The following NF1 variants were observed in gnomAD, a reference collection of about 807,000 sequenced individuals.
NF1 encodes the protein neurofibromin.
A neutral mutation model predicts 325.7 loss-of-function variants in NF1; 122 were observed. The observed-to-expected ratio is 0.37, with a 90% confidence interval of 0.32 to 0.44. NF1 has a LOEUF of 0.44. NF1 is among the 20% of genes least tolerant of loss of function. The probability of loss-of-function intolerance (pLI) is 1.00; values close to 1 mark genes in which losing one functional copy is unlikely to be tolerated. For synonymous variants in NF1, 1,091 were observed against 1,186.0 expected, an observed-to-expected ratio of 0.92 and a Z score of 1.65; for missense variants, 2,140 against 3,415.4, an observed-to-expected ratio of 0.63 and a Z score of 9.31.
At chr17:31,351,240 A>G (rs1006188571) in intron 50 of NF1, among the ~76,000 whole-genome samples, 1 of 152,186 alleles carries the variant, frequency 6.6e-6, no homozygotes, top group Non-Finnish European at 1.5e-5. Flanking sequence ...AAATCAGTGC[A>G]ATAAGTTCAA....
intron 1 of NF1, among the ~76,000 whole-genome samples, chr17:31,149,705 C>T (rs1296082924): frequency 2.0e-5 from 3 of 152,102 alleles, no homozygotes; most frequent in Non-Finnish European, 4.4e-5. Flanking sequence ...CTAACCAGAT[C>T]GTCCAAATCA....
chr17:31,209,972 A>G (rs2905798), intron 12 of NF1, among the ~76,000 whole-genome samples: 41,604 of 152,048 alleles, frequency 0.27, 6,899 homozygotes, highest in South Asian at 0.44. Context: ...TTAAAACTGT[A>G]TGTGTGTTTG....
chr17:31,230,783 G>A (rs2151432230), intron 23 of NF1, 59 bp from the exon 24 acceptor site: 8 of 1,230,786 alleles, frequency 6.5e-6, no homozygotes, highest in South Asian at 1.3e-5. Context: ...GTGACTAAAG[G>A]TGTGTGTGTG....
At chr17:31,305,390 C>A in intron 36 of NF1, 1 of 1,614,132 alleles carries the variant, frequency 6.2e-7, no homozygotes, top group Non-Finnish European at 8.5e-7. Flanking sequence ...GTGACTTTGG[C>A]AGGTGATATT....
At chr17:31,126,153 A>C (rs1163709819) in intron 1 of NF1, among the ~76,000 whole-genome samples, 1 of 151,952 alleles carries the variant, frequency 6.6e-6, no homozygotes, top group African/African-American at 2.4e-5. Context: ...TTGCCATTGC[A>C]CTCCAGCCTG....
intron 1 of NF1, among the ~76,000 whole-genome samples, chr17:31,130,261 G>A (rs892143470): frequency 3.9e-5 from 6 of 152,068 alleles, no homozygotes; most frequent in Non-Finnish European, 8.8e-5. Context: ...GTTCTTTAAG[G>A]TTAGGAACCT....
intron 1 of NF1, among the ~76,000 whole-genome samples, chr17:31,143,380 C>T (rs1453171998): frequency 1.3e-5 from 2 of 152,096 alleles, no homozygotes; most frequent in Admixed American, 1.3e-4. Context: ...TATCCTCCCA[C>T]CTCAGCCTCC....
chr17:31,370,090 A>G (rs142108335), intron 57 of NF1, among the ~76,000 whole-genome samples: 10 of 152,304 alleles, frequency 6.6e-5, no homozygotes, highest in African/African-American at 2.4e-4. Context: ...AGTTGAACTT[A>G]GGAATCACAG....
chr17:31,340,214 A>G (rs184535633), intron 46 of NF1: 7 of 420,162 alleles, frequency 1.7e-5, no homozygotes, highest in Middle Eastern at 6.9e-4. Context: ...ATGACAAAAG[A>G]TACAAAAGAG....
rs1268041234 is a variant in NF1 at position 31,265,121 on chromosome 17, A to G, written c.4725-108A>G. 6.0e-6 allele frequency: 5 copies of G among 828,862 alleles called. No homozygotes were observed. In the East Asian group the frequency reaches 1.1e-4, roughly 19 times the overall value. The allele number at this position is 828,862 out of a possible 1,614,324, so 51.3% of individuals were successfully genotyped here. A position where few individuals can be genotyped will look rare whatever the true frequency, so the allele number is the denominator to read the frequency against. On this transcript the variant is annotated intron_variant, in intron 35 of 57. Transcript: ENST00000358273. ...ACCCTTTAGAATGCCTGTTGCTTTT[A>G]AAATATTTTTTCATTTTAGTATTTT...
At chr17:31,270,831 T>C (rs755998714) in intron 36 of NF1, among the ~76,000 whole-genome samples, 67 of 152,212 alleles carry the variant, frequency 4.4e-4, no homozygotes, top group Non-Finnish European at 8.8e-4. Flanking sequence ...TTATTAACAA[T>C]TAATTGACGT....
chr17:31,217,062 A>G (rs112817479), intron 13 of NF1, among the ~76,000 whole-genome samples: 2,551 of 152,252 alleles, frequency 0.017, 75 homozygotes, highest in African/African-American at 0.059. Context: ...CATTGATGAT[A>G]TCTTCCCCCA....
chr17:31,358,435 A>G (rs773861719), intron 54 of NF1, 45 bp from the exon 55 acceptor site: 3 of 1,581,842 alleles, frequency 1.9e-6, no homozygotes, highest in Admixed American at 1.7e-5. Context: ...TTTTCATTTA[A>G]TTTTCCTCTA....
At chr17:31,206,774 TTGAA>T (rs1222339964) in intron 12 of NF1, among the ~76,000 whole-genome samples, 5 of 152,164 alleles carry the variant, frequency 3.3e-5, no homozygotes, top group Non-Finnish European at 7.4e-5. Flanking sequence ...TTTTAGCTAA[TTGAA>T]TGGTGACTAT....
At chr17:31,311,280 A>G (rs1347794689) in intron 36 of NF1, among the ~76,000 whole-genome samples, 1 of 152,056 alleles carries the variant, frequency 6.6e-6, no homozygotes, top group Non-Finnish European at 1.5e-5. Context: ...AATATAATGC[A>G]TAAGTACTTA....
At chr17:31,154,394 C>T (rs998041723) in intron 1 of NF1, among the ~76,000 whole-genome samples, 2 of 151,898 alleles carry the variant, frequency 1.3e-5, no homozygotes, top group Non-Finnish European at 2.9e-5. Context: ...GGGAGATTCA[C>T]CAGCTGCATT....
chr17:31,326,400 C>T, intron 37 of NF1, 148 bp downstream of exon 37: 2 of 772,344 alleles, frequency 2.6e-6, no homozygotes, highest in Non-Finnish European at 4.2e-6. Flanking sequence ...GTAATCCAAG[C>T]ACTTTGGGAT....
intron 3 of NF1, among the ~76,000 whole-genome samples, chr17:31,161,888 T>C (rs926755778): frequency 2.0e-5 from 3 of 151,286 alleles, no homozygotes; most frequent in Admixed American, 2.0e-4. Context: ...ATACAAAAAT[T>C]AGCCAGATGT....
intron 2 of NF1, among the ~76,000 whole-genome samples, chr17:31,157,905 G>A (rs1297082905): frequency 6.6e-6 from 1 of 151,748 alleles, no homozygotes; most frequent in East Asian, 1.9e-4. Context: ...GGCGGAGCTT[G>A]TAGTGAGCCA....
Sources: gnomAD v4.1 joint callset for allele counts (sites outside exome capture counted in the v4.1 genomes callset) on GRCh38, gnomAD v4.1.1 for gene constraint, MANE v1.5 for transcripts, NCBI Gene and HGNC (gene_info 2026-07-23, HGNC 2026-07-21) for gene names.